The following ARHGAP30 variants were observed in gnomAD, a reference collection of about 807,000 sequenced individuals.
ARHGAP30 encodes the protein Rho GTPase activating protein 30.
In ARHGAP30, 23 loss-of-function variants were observed where a neutral mutation model predicts 72.0. That is an observed-to-expected ratio of 0.32 (90% CI 0.23 to 0.45). The LOEUF is 0.45. Ranked by LOEUF, ARHGAP30 falls within the 20% of genes least tolerant of loss-of-function variation. The probability of loss-of-function intolerance (pLI) is 1.00; values close to 1 mark genes in which losing one functional copy is unlikely to be tolerated. For synonymous variants in ARHGAP30, 576 were observed against 528.2 expected, an observed-to-expected ratio of 1.09 and a Z score of -1.24; for missense variants, 1,319 against 1,383.4, an observed-to-expected ratio of 0.95 and a Z score of 0.74.
At chr1:161,051,197 C>T (rs1329071455) in intron 10 of ARHGAP30, 117 bp downstream of exon 10, 13 of 1,470,790 alleles carry the variant, frequency 8.8e-6, no homozygotes, top group Non-Finnish European at 1.2e-5. Context: ...AAGGTAACCA[C>T]CCCAAAGCCC....
chr1:161,068,922 C>G (rs1652956199), intron 1 of ARHGAP30, among the ~76,000 whole-genome samples: 1 of 152,134 alleles, frequency 6.6e-6, no homozygotes, highest in Non-Finnish European at 1.5e-5. Flanking sequence ...CACTTTGAAC[C>G]TGTTTCTCTT....
chr1:161,069,579 G>T lies in ARHGAP30; in HGVS notation c.46C>A (p.Arg16=). ...KGKKKGSAKE[R]VFGCDLQEHL... is the part of the protein sequence containing the mutation. ...TCCTGCAAGTCGCACCCAAAAACCCGCTCCTTTGCGCTGCCCTTCTTCTTT... is the reference window on the plus strand; with the variant it reads ...TCCTGCAAGTCGCACCCAAAAACCCTCTCCTTTGCGCTGCCCTTCTTCTTT... The change falls in exon 1 of 12, where the codon CGG becomes AGG. Residue 16 remains arginine (R), a synonymous_variant. Transcript: ENST00000368013. This position sits in a 1 kb window ranked among gnomAD's most constrained non-coding sequence, Gnocchi z 4.9. The T allele has an allele frequency of 1.9e-6, 3 of 1,611,474 alleles. No homozygotes were observed. The highest frequency in any genetic ancestry group is 2.5e-6 in the Non-Finnish European group (3 of 1,179,970).
At chr1:161,060,714 T>G (rs1652252258) in intron 1 of ARHGAP30, among the ~76,000 whole-genome samples, 1 of 148,010 alleles carries the variant, frequency 6.8e-6, no homozygotes, top group African/African-American at 2.5e-5. Flanking sequence ...TTTTTTTTTT[T>G]TTTTTGAGAC....
rs552754298 is a variant in ARHGAP30, at chr1:161,049,136, C to G, written c.1885G>C (p.Gly629Arg). ...GCCTCTCCCTCCAGACTCCCTGAACCCTTCCAGATTGGGGGTTTAGGTCCC... is the reference window on the plus strand; with the variant it reads ...GCCTCTCCCTCCAGACTCCCTGAACGCTTCCAGATTGGGGGTTTAGGTCCC... ...LLGPKPPIWK[G>R]SGSLEGEAAG... The change falls in exon 12 of 12, where the codon GGT (glycine) becomes CGT (arginine). Residue 629 changes from glycine (G) to arginine (R), a missense_variant. Coordinates refer to ENST00000368013, the MANE Select transcript of ARHGAP30 (RefSeq NM_001025598.2). 2.5e-6 allele frequency: 4 copies of G among 1,614,224 alleles called. No individual in the cohort carries two copies. Among genetic ancestry groups the G allele is most frequent in the East Asian group, 4.5e-5 (2 of 44,886 alleles).
chr1:161,064,815 GAAAGAAAGAAAGAAAGAGAA>G (rs1449694472), intron 1 of ARHGAP30, among the ~76,000 whole-genome samples: 676 of 61,014 alleles, frequency 0.011, 4 homozygotes, highest in Non-Finnish European at 0.012. Flanking sequence ...AAGAAAGAAA[GAAAGAAAGAAAGAAAGAGAA>G]AGAAAGAAAG....
Position 161,047,685 on chromosome 1 carries a change from G to A in ARHGAP30, c.*30C>T, listed in dbSNP as rs765765530. 2 of 1,495,900 alleles carry A rather than the reference G, an allele frequency of 1.3e-6. No homozygotes were observed. The highest frequency in any genetic ancestry group is 2.8e-5 in the South Asian group (2 of 70,354). 92.7% of individuals were successfully genotyped at this position (1,495,900 alleles called of 1,614,324 possible). On this transcript the variant is annotated 3_prime_UTR_variant, in exon 12 of 12. Coordinates refer to ENST00000368013, the MANE Select transcript of ARHGAP30 (RefSeq NM_001025598.2). ...CCCTGGAGATTCAAGACAACTTGCT[G>A]GTCCCCTTTGCCCAGGGCTGTGGTC...
chr1:161,050,780 G>A (rs1571074746), intron 10 of ARHGAP30, among the ~76,000 whole-genome samples: 2 of 151,770 alleles, frequency 1.3e-5, no homozygotes, highest in South Asian at 4.1e-4. Flanking sequence ...AGCTGGGACC[G>A]CAGGCATCTG....
At chr1:161,054,767 C>G in intron 3 of ARHGAP30, 62 bp from the exon 4 acceptor site, 1 of 1,473,174 alleles carries the variant, frequency 6.8e-7, no homozygotes. Flanking sequence ...GCTTACTCCC[C>G]AGAGCTTGTA....
At chr1:161,050,084 A>G (rs1336076119) in intron 10 of ARHGAP30, among the ~76,000 whole-genome samples, 2 of 152,062 alleles carry the variant, frequency 1.3e-5, no homozygotes, top group African/African-American at 2.4e-5. Flanking sequence ...CCACTATCCT[A>G]TCCTGCCTCA....
chr1:161,056,118 T>A (rs1651861798), intron 3 of ARHGAP30, among the ~76,000 whole-genome samples: 1 of 151,910 alleles, frequency 6.6e-6, no homozygotes, highest in Non-Finnish European at 1.5e-5. Context: ...CCTCCCCAAG[T>A]CTCACCACTG....
In ARHGAP30 at chr1:161,051,635, C is replaced by T; in HGVS notation, c.1099G>A (p.Ala367Thr). ...TCAGGCTCCTGTTCACCCTCTGCTG[C>T]CTCTATAGAATCGTTCTCCAAGCTC... ...PESLENDSIE[A>T]AEGEQEPEAE... Residue 367 changes from alanine to threonine, a missense_variant, in exon 10 of 12, where the codon GCA becomes ACA. Around this residue, in one of 2 missense-constraint regions of ARHGAP30, gnomAD observed 1,097 missense variants for 1,045.2 expected, o/e 1.05. Transcript: ENST00000368013. 6.2e-7 allele frequency: 1 copy of T among 1,613,244 alleles called. No homozygotes were observed. Among genetic ancestry groups the T allele is most frequent in the Non-Finnish European group, 8.5e-7 (1 of 1,180,030 alleles).
At chr1:161,053,174 C>T in intron 6 of ARHGAP30, 84 bp downstream of exon 6, 1 of 1,568,248 alleles carries the variant, frequency 6.4e-7, no homozygotes. Context: ...TGAGACTCAG[C>T]TGAAGTAGGT....
chr1:161,051,984 AC>A (rs1651413651), intron 9 of ARHGAP30, among the ~76,000 whole-genome samples: 1 of 4,790 alleles, frequency 2.1e-4, no homozygotes, highest in Non-Finnish European at 5.2e-4. Context: ...CACCACCACC[AC>A]CACCACCACC....
intron 1 of ARHGAP30, among the ~76,000 whole-genome samples, chr1:161,060,906 A>G (rs1652267753): frequency 6.6e-6 from 1 of 151,834 alleles, no homozygotes; most frequent in Non-Finnish European, 1.5e-5. Context: ...GGGTTTCACC[A>G]TGTTGGCCAG....
intron 1 of ARHGAP30, among the ~76,000 whole-genome samples, chr1:161,063,869 C>T (rs1394526558): frequency 6.6e-6 from 1 of 152,200 alleles, no homozygotes; most frequent in South Asian, 2.1e-4. Flanking sequence ...ACTCCAGTCT[C>T]CCATAGCACT....
In ARHGAP30 at chr1:161,049,031, C is replaced by T. The variant is rs1322075009; in HGVS notation, c.1990G>A (p.Glu664Lys). The T allele has an allele frequency of 2.5e-6, 4 of 1,614,072 alleles. No homozygotes were observed. The highest frequency in any genetic ancestry group is 3.4e-6 in the Non-Finnish European group (4 of 1,180,022). ...CWEVGEDKQAEPGGRLDIREE... is the reference protein window; with the variant it reads ...CWEVGEDKQAKPGGRLDIREE... ...CTGATGTCTAGCCTGCCTCCAGGCT[C>T]AGCCTGCTTGTCCTCCCCAACTTCC... Residue 664 changes from glutamate to lysine, a missense_variant, in exon 12 of 12, where the codon GAG becomes AAG. This residue lies in a region of ARHGAP30 where 1,097 missense variants were observed against 1,045.2 expected (regional missense o/e 1.05). Transcript: ENST00000368013.
rs767853682 is a variant in ARHGAP30 at position 161,048,402 on chromosome 1, G to A, written c.2619C>T (p.Asp873=). 2 of 1,614,132 alleles carry A rather than the reference G, an allele frequency of 1.2e-6. No individual in the cohort carries two copies. The highest frequency in any genetic ancestry group is 1.7e-6 in the Non-Finnish European group (2 of 1,180,032). ...AGTGAGGATTGCCCTCTTTGGCACA[G>A]TCAACCTCCAGGGACGCTACACCTG... The part of the protein sequence containing the change: ...EGSGVASLEV[D]CAKEGNPHSS... Residue 873 remains aspartate, a synonymous_variant, in exon 12 of 12, where the codon GAC becomes GAT. Coordinates refer to ENST00000368013, the MANE Select transcript of ARHGAP30 (RefSeq NM_001025598.2).
intron 3 of ARHGAP30, among the ~76,000 whole-genome samples, chr1:161,055,835 A>G (rs1178896579): frequency 2.0e-4 from 6 of 29,718 alleles, no homozygotes; most frequent in East Asian, 1.1e-3. Flanking sequence ...AATAAAATAA[A>G]ATAAAATAAA....
At chr1:161,055,577 G>C (rs1651759219) in intron 3 of ARHGAP30, among the ~76,000 whole-genome samples, 5 of 151,862 alleles carry the variant, frequency 3.3e-5, no homozygotes, top group Admixed American at 3.3e-4. Context: ...ATCACTTGAG[G>C]TCAGGGATTC....
Sources: gnomAD v4.1 joint callset for allele counts (sites outside exome capture counted in the v4.1 genomes callset) on GRCh38, gnomAD v4.1.1 for gene constraint, gnomAD v4.1.1 regional missense constraint, Gnocchi (gnomAD v3.1) non-coding constraint, MANE v1.5 for transcripts, NCBI Gene and HGNC (gene_info 2026-07-23, HGNC 2026-07-21) for gene names.